The following PLCB4 variants were observed in gnomAD, a reference collection of about 807,000 sequenced individuals.
PLCB4 encodes 1-phosphatidylinositol 4,5-bisphosphate phosphodiesterase beta-4.
PLCB4 carries 77 observed loss-of-function variants against 178.8 expected under a neutral mutation model. The ratio of observed to expected loss-of-function variants is 0.43; its 90% confidence interval spans 0.36 to 0.52. The LOEUF is 0.52. Among genes scored for constraint, PLCB4 ranks in the 20% least tolerant of loss-of-function variants. The pLI, the probability that PLCB4 is intolerant of heterozygous loss-of-function variation, is 0.00. For synonymous variants in PLCB4, 496 were observed against 490.8 expected (o/e 1.01, Z -0.14); for missense variants, 1,024 against 1,453.4 (o/e 0.70, Z 4.80).
intron 2 of PLCB4, among the ~76,000 whole-genome samples, chr20:9,201,436 G>A (rs1389563544): frequency 1.3e-5 from 2 of 152,026 alleles, no homozygotes; most frequent in Non-Finnish European, 2.9e-5. Flanking sequence ...ATTATTATTG[G>A]TGTAATATTA....
At chr20:9,114,331 G>T (rs958048289) in intron 2 of PLCB4, among the ~76,000 whole-genome samples, 1 of 152,064 alleles carries the variant, frequency 6.6e-6, no homozygotes, top group Non-Finnish European at 1.5e-5. Context: ...TGCTAGGAAC[G>T]GAGAAGACAA....
chr20:9,239,887 G>C (rs2094038192), intron 3 of PLCB4, among the ~76,000 whole-genome samples: 1 of 152,142 alleles, frequency 6.6e-6, no homozygotes, highest in Non-Finnish European at 1.5e-5. Flanking sequence ...GGAGTCCAGT[G>C]TTCAAGGGCA....
intron 2 of PLCB4, among the ~76,000 whole-genome samples, chr20:9,146,374 T>G (rs1372487103): frequency 6.6e-6 from 1 of 152,100 alleles, no homozygotes; most frequent in Admixed American, 6.6e-5. Context: ...TCAGGATGGA[T>G]AGCATGTACA....
At chr20:9,100,538 T>C (rs1160806269) in intron 2 of PLCB4, among the ~76,000 whole-genome samples, 1 of 152,172 alleles carries the variant, frequency 6.6e-6, no homozygotes, top group African/African-American at 2.4e-5. Context: ...CTGACTTGTT[T>C]AATGGAAAGG....
At chr20:9,273,818 G>T (rs1446863454) in intron 3 of PLCB4, among the ~76,000 whole-genome samples, 2 of 151,826 alleles carry the variant, frequency 1.3e-5, no homozygotes, top group Non-Finnish European at 2.9e-5. Context: ...GTGTATTGTT[G>T]TGAGCCACTG....
intron 2 of PLCB4, among the ~76,000 whole-genome samples, chr20:9,181,038 G>A (rs1464432885): frequency 6.6e-6 from 1 of 152,164 alleles, no homozygotes; most frequent in Non-Finnish European, 1.5e-5. Flanking sequence ...GTAATGCAGA[G>A]AAAGTTCTTT....
chr20:9,295,428 C>A (rs1216750897), intron 3 of PLCB4, among the ~76,000 whole-genome samples: 1 of 152,114 alleles, frequency 6.6e-6, no homozygotes, highest in African/African-American at 2.4e-5. Context: ...CCAGGGTGCT[C>A]TAATCCTCTT....
chr20:9,395,473 G>C, intron 18 of PLCB4, 50 bp from the exon 19 acceptor site: 2 of 1,266,578 alleles, frequency 1.6e-6, no homozygotes, highest in Non-Finnish European at 2.3e-6. Flanking sequence ...CCTAGGGTTT[G>C]TATGTTACCT....
intron 3 of PLCB4, among the ~76,000 whole-genome samples, chr20:9,304,115 T>G (rs1399857303): frequency 2.0e-5 from 3 of 151,846 alleles, no homozygotes; most frequent in Admixed American, 6.6e-5. Context: ...TTACTATTTT[T>G]TTTTTTTTGG....
intron 2 of PLCB4, among the ~76,000 whole-genome samples, chr20:9,168,476 G>C (rs181236977): frequency 3.1e-4 from 47 of 152,302 alleles, no homozygotes; most frequent in Admixed American, 1.9e-3. Flanking sequence ...TCACTCCACT[G>C]TTTTCCACAC....
intron 4 of PLCB4, among the ~76,000 whole-genome samples, chr20:9,335,247 A>G (rs1020487941): frequency 3.3e-5 from 5 of 152,142 alleles, no homozygotes; most frequent in African/African-American, 7.2e-5. Flanking sequence ...AAGACCCGCC[A>G]TGGCCTTTTG....
intron 14 of PLCB4, among the ~76,000 whole-genome samples, chr20:9,386,265 A>T (rs1009819846): frequency 4.9e-5 from 7 of 142,226 alleles, no homozygotes; most frequent in East Asian, 2.3e-4. Context: ...AGGGAGGGGG[A>T]GGGGGAGAGG....
chr20:9,288,454 A>G (rs986010056), intron 3 of PLCB4, among the ~76,000 whole-genome samples: 11 of 150,256 alleles, frequency 7.3e-5, no homozygotes, highest in African/African-American at 2.7e-4. Context: ...TCACTTTTAC[A>G]TCAATCTTGA....
intron 2 of PLCB4, among the ~76,000 whole-genome samples, chr20:9,102,239 A>G (rs902355252): frequency 3.9e-5 from 6 of 152,222 alleles, no homozygotes; most frequent in Non-Finnish European, 1.5e-5. Context: ...ATTTTGCTTC[A>G]TAAATGTATA....
At chr20:9,469,968 G>A (rs533260920) in intron 36 of PLCB4, among the ~76,000 whole-genome samples, 1 of 152,296 alleles carries the variant, frequency 6.6e-6, no homozygotes, top group East Asian at 1.9e-4. Context: ...GGACAGTGGG[G>A]TTCCTTCTTT....
chr20:9,102,828 A>G (rs982244525), intron 2 of PLCB4, among the ~76,000 whole-genome samples: 1 of 152,138 alleles, frequency 6.6e-6, no homozygotes, highest in Non-Finnish European at 1.5e-5. Context: ...CTCTCCTGCC[A>G]TGTTCTCTGG....
rs150790273 is a variant in PLCB4, at chr20:9,385,847, C to T, written c.1064+1436C>T. Among the ~76,000 whole-genome samples, 375 of 151,498 alleles carry T rather than the reference C, an allele frequency of 2.5e-3. 2 individuals carry two copies. The highest frequency in any genetic ancestry group is 7.5e-3 in the African/African-American group (311 of 41,358). ...GCAGAGATGCTCCCCACTTCCTAGACGGGGTGGCGGCCGGGCAGAGGCTGT... is the reference window on the plus strand; with the variant it reads ...GCAGAGATGCTCCCCACTTCCTAGATGGGGTGGCGGCCGGGCAGAGGCTGT... On this transcript the variant is annotated intron_variant, in intron 14 of 39. Coordinates refer to ENST00000378473, the MANE Select transcript of PLCB4 (RefSeq NM_001377142.1).
At chr20:9,225,992 G>T (rs1286192026) in intron 3 of PLCB4, among the ~76,000 whole-genome samples, 1 of 152,164 alleles carries the variant, frequency 6.6e-6, no homozygotes, top group African/African-American at 2.4e-5. Flanking sequence ...GAGAGGAACC[G>T]GCCGGTGACC....
At chr20:9,101,672 A>G (rs867490566) in intron 2 of PLCB4, among the ~76,000 whole-genome samples, 1 of 152,134 alleles carries the variant, frequency 6.6e-6, no homozygotes, top group Middle Eastern at 3.4e-3. Context: ...TCAGTTGCCC[A>G]TTATGTGGAA....
Sources: allele counts gnomAD v4.1 joint callset (sites outside exome capture counted in the v4.1 genomes callset), GRCh38; gene constraint gnomAD v4.1.1; transcripts MANE v1.5; gene names NCBI Gene and HGNC (gene_info 2026-07-23, HGNC 2026-07-21).